Variants in XYLT1 observed in about 807,000 individuals in gnomAD.
XYLT1 encodes beta-D-xylosyltransferase 1.
Under a neutral mutation model 91.3 loss-of-function variants are expected in XYLT1, and 36 were observed. The observed-to-expected ratio is 0.39, with a 90% CI of 0.30 to 0.52. The LOEUF (loss-of-function observed/expected upper bound fraction) is 0.52. Among genes scored for constraint, XYLT1 ranks in the 20% least tolerant of loss-of-function variants. The pLI, the probability that XYLT1 is intolerant of heterozygous loss-of-function variation, is 0.68. For synonymous variants in XYLT1, 588 were observed against 532.0 expected, an observed-to-expected ratio of 1.11 and a Z score of -1.45; for missense variants, 1,242 against 1,284.5, an observed-to-expected ratio of 0.97 and a Z score of 0.51.
intron 3 of XYLT1, among the ~76,000 whole-genome samples, chr16:17,229,270 C>T (rs545518134): frequency 7.2e-5 from 11 of 152,328 alleles, no homozygotes; most frequent in East Asian, 5.8e-4. Flanking sequence ...AACTGTAGCC[C>T]GGGCCAGTCC....
intron 2 of XYLT1, among the ~76,000 whole-genome samples, chr16:17,267,493 G>A (rs535526811): frequency 3.1e-4 from 47 of 152,312 alleles, no homozygotes; most frequent in Non-Finnish European, 7.4e-5. Flanking sequence ...CGCAAGCTCC[G>A]CCTCCCGGGT....
chr16:17,447,859 A>G (rs552355984), intron 1 of XYLT1, among the ~76,000 whole-genome samples: 83 of 152,236 alleles, frequency 5.5e-4, no homozygotes, highest in Non-Finnish European at 9.6e-4. Flanking sequence ...GTTTTAAAAA[A>G]TGAGGCATTT....
intron 1 of XYLT1, among the ~76,000 whole-genome samples, chr16:17,408,786 C>T (rs1210283281): frequency 6.6e-6 from 1 of 152,100 alleles, no homozygotes; most frequent in Non-Finnish European, 1.5e-5. Context: ...GCTGAGGTTG[C>T]GGTGACCCAA....
In XYLT1 at chr16:17,441,278, G is replaced by C. The variant is rs538657322; in HGVS notation, c.363+29156C>G. Among the ~76,000 whole-genome samples the C allele has an allele frequency of 2.5e-3, 382 of 152,082 alleles. 2 individuals carry two copies. The highest frequency in any genetic ancestry group is 4.2e-3 in the Non-Finnish European group (283 of 68,000). Reference sequence around the variant, plus strand: ...AATTTAATTCATAAGTGGTTATATAGAGACCTTTATGATAAATCCAGCTCA... The same window carrying C: ...AATTTAATTCATAAGTGGTTATATACAGACCTTTATGATAAATCCAGCTCA... On this transcript the variant is annotated intron_variant, in intron 1 of 11. Coordinates refer to ENST00000261381, the MANE Select transcript of XYLT1 (RefSeq NM_022166.4).
intron 1 of XYLT1, among the ~76,000 whole-genome samples, chr16:17,467,111 G>A (rs1388371889): frequency 6.6e-6 from 1 of 152,180 alleles, no homozygotes; most frequent in Non-Finnish European, 1.5e-5. Flanking sequence ...TTTCAAAGGC[G>A]TCGGATAATA....
intron 2 of XYLT1, among the ~76,000 whole-genome samples, chr16:17,279,703 T>C (rs1476243353): frequency 6.6e-6 from 1 of 152,228 alleles, no homozygotes; most frequent in African/African-American, 2.4e-5. Context: ...GGGTCATTGA[T>C]GGCTTCTGTC....
At chr16:17,282,135 C>G (rs1164292246) in intron 2 of XYLT1, among the ~76,000 whole-genome samples, 3 of 152,126 alleles carry the variant, frequency 2.0e-5, no homozygotes, top group African/African-American at 7.2e-5. Context: ...TTCTAAGCAC[C>G]CTGCATGGTC....
At chr16:17,128,865 A>G (rs2030357092) in intron 9 of XYLT1, among the ~76,000 whole-genome samples, 1 of 152,204 alleles carries the variant, frequency 6.6e-6, no homozygotes, top group Admixed American at 6.5e-5. Context: ...TGTAAATTGC[A>G]CAGCTTTATA....
chr16:17,467,223 A>G (rs1406497854), intron 1 of XYLT1, among the ~76,000 whole-genome samples: 1 of 152,224 alleles, frequency 6.6e-6, no homozygotes, highest in African/African-American at 2.4e-5. Context: ...ACTGAGTAAC[A>G]GTTTATCTAA....
intron 2 of XYLT1, among the ~76,000 whole-genome samples, chr16:17,326,988 G>C (rs534974186): frequency 2.4e-4 from 36 of 152,310 alleles, no homozygotes; most frequent in African/African-American, 8.4e-4. Flanking sequence ...CCATGAAGCC[G>C]ACCCTGCTGA....
intron 1 of XYLT1, among the ~76,000 whole-genome samples, chr16:17,379,591 G>C (rs1295767235): frequency 5.3e-5 from 8 of 152,170 alleles, no homozygotes; most frequent in Non-Finnish European, 1.0e-4. Flanking sequence ...GGGGTAGCTG[G>C]GGGTAGAGGA....
At chr16:17,245,969 C>T (rs2033429576) in intron 3 of XYLT1, among the ~76,000 whole-genome samples, 1 of 152,212 alleles carries the variant, frequency 6.6e-6, no homozygotes. Flanking sequence ...AATTATCTGA[C>T]TGTGTGGGTG....
At chr16:17,357,694 T>C (rs1328661514) in intron 2 of XYLT1, among the ~76,000 whole-genome samples, 1 of 152,216 alleles carries the variant, frequency 6.6e-6, no homozygotes, top group Non-Finnish European at 1.5e-5. Flanking sequence ...CTCTCTCCTT[T>C]GCATGAACCT....
At chr16:17,138,786 TGACTGTCAAGGGACTCTTA>T (rs1387880218) in intron 7 of XYLT1, 1 of 414,160 alleles carries the variant, frequency 2.4e-6, no homozygotes, top group African/African-American at 2.0e-5. Context: ...CACAACTACC[TGACTGTCAAGGGACTCTTA>T]TGTTCTCTGC....
At chr16:17,435,185 T>C (rs2036441469) in intron 1 of XYLT1, among the ~76,000 whole-genome samples, 1 of 152,192 alleles carries the variant, frequency 6.6e-6, no homozygotes, top group African/African-American at 2.4e-5. Flanking sequence ...GGCTGAAGTG[T>C]CAGTACATTA....
chr16:17,330,440 G>A (rs1323355387), intron 2 of XYLT1, among the ~76,000 whole-genome samples: 3 of 151,946 alleles, frequency 2.0e-5, no homozygotes, highest in African/African-American at 4.8e-5. Context: ...TCACTCCCTG[G>A]GCTGTGACTC....
chr16:17,281,283 G>C (rs182224026), intron 2 of XYLT1, among the ~76,000 whole-genome samples: 1 of 152,034 alleles, frequency 6.6e-6, no homozygotes, highest in Non-Finnish European at 1.5e-5. Context: ...GCATCCAGGG[G>C]AGTGGTGGAA....
intron 5 of XYLT1, among the ~76,000 whole-genome samples, chr16:17,160,749 G>A (rs1426204773): frequency 6.6e-6 from 1 of 152,136 alleles, no homozygotes; most frequent in Non-Finnish European, 1.5e-5. Context: ...TGCATGCCAA[G>A]GTAAAGTCCA....
chr16:17,259,532 T>C (rs1294734257), intron 2 of XYLT1, 34 bp from the exon 3 acceptor site: 3 of 1,591,534 alleles, frequency 1.9e-6, no homozygotes, highest in Non-Finnish European at 2.6e-6. Flanking sequence ...GAAGAGAAAC[T>C]TGACTGAGAG....
Sources: allele counts gnomAD v4.1 joint callset (sites outside exome capture counted in the v4.1 genomes callset), GRCh38; gene constraint gnomAD v4.1.1; transcripts MANE v1.5; gene names NCBI Gene and HGNC (gene_info 2026-07-23, HGNC 2026-07-21).